The following TLK1 variants were observed in gnomAD, a reference collection of about 807,000 sequenced individuals.
TLK1 encodes the protein serine/threonine-protein kinase tousled-like 1.
Under a neutral mutation model 105.3 loss-of-function variants are expected in TLK1, and 24 were observed. That is an observed-to-expected ratio of 0.23 (90% CI 0.17 to 0.32). The LOEUF (loss-of-function observed/expected upper bound fraction) is 0.32. Among genes scored for constraint, TLK1 ranks in the 10% least tolerant of loss-of-function variants. TLK1 has a pLI of 1.00. For synonymous variants in TLK1, 321 were observed against 310.4 expected (o/e 1.03, Z -0.36); for missense variants, 558 against 910.5 (o/e 0.61, Z 4.98).
At chr2:171,071,392 A>G (rs369317599) in intron 3 of TLK1, among the ~76,000 whole-genome samples, 18 of 151,778 alleles carry the variant, frequency 1.2e-4, no homozygotes, top group African/African-American at 4.1e-4. Flanking sequence ...GGTTCACGCC[A>G]TTCTCCCGCC....
chr2:170,993,725 T>C lies in TLK1; in HGVS notation c.*55A>G. 4.8e-6 allele frequency: 6 copies of C among 1,256,144 alleles called. No individual in the cohort carries two copies. The highest frequency in any genetic ancestry group is 6.4e-6 in the Non-Finnish European group (6 of 942,040). 77.8% of individuals were successfully genotyped at this position (1,256,144 alleles called of 1,614,324 possible). ...AACAAACACTCAAATGCTCTCAAAC[T>C]TAAGTGTGCATCTGGAAGCAAATTC... On this transcript the variant is annotated 3_prime_UTR_variant, in exon 21 of 21. Coordinates refer to ENST00000431350, the MANE Select transcript of TLK1 (RefSeq NM_012290.5).
chr2:171,181,462 A>G (rs1175166974), intron 1 of TLK1, among the ~76,000 whole-genome samples: 2 of 152,178 alleles, frequency 1.3e-5, no homozygotes, highest in Non-Finnish European at 2.9e-5. Context: ...TGTTGCTCTA[A>G]AGGAATGCCT....
intron 11 of TLK1, among the ~76,000 whole-genome samples, chr2:171,041,765 G>A (rs902644364): frequency 6.6e-6 from 1 of 151,922 alleles, no homozygotes; most frequent in Non-Finnish European, 1.5e-5. Context: ...CTACATAATA[G>A]TAACTTCATT....
At chr2:171,039,292 A>C (rs188377352) in intron 11 of TLK1, among the ~76,000 whole-genome samples, 4 of 152,042 alleles carry the variant, frequency 2.6e-5, no homozygotes, top group African/African-American at 9.6e-5. Flanking sequence ...TGAGACAGAG[A>C]TCTCACTCTG....
At chr2:171,031,792 G>C (rs1441213868) in intron 11 of TLK1, among the ~76,000 whole-genome samples, 1 of 152,120 alleles carries the variant, frequency 6.6e-6, no homozygotes, top group Non-Finnish European at 1.5e-5. Flanking sequence ...TAAAAAGTTA[G>C]TAGAAATAAC....
intron 13 of TLK1, among the ~76,000 whole-genome samples, chr2:171,011,816 T>C (rs1361552638): frequency 6.6e-6 from 1 of 152,328 alleles, no homozygotes; most frequent in South Asian, 2.1e-4. Context: ...TTGGGAGTTA[T>C]AATCAAGCTT....
chr2:171,097,841 C>T (rs1475484102), intron 2 of TLK1, among the ~76,000 whole-genome samples: 2 of 151,838 alleles, frequency 1.3e-5, no homozygotes, highest in African/African-American at 2.4e-5. Context: ...AGGAGAATCG[C>T]TTAAACCTGG....
At chr2:171,230,410 T>C (rs1693973942) in intron 1 of TLK1, among the ~76,000 whole-genome samples, 1 of 152,216 alleles carries the variant, frequency 6.6e-6, no homozygotes, top group South Asian at 2.1e-4. Context: ...TAAGATGTTT[T>C]CCAAATTCCG....
chr2:171,227,369 G>A (rs1288152141), intron 1 of TLK1, among the ~76,000 whole-genome samples: 1 of 152,154 alleles, frequency 6.6e-6, no homozygotes, highest in African/African-American at 2.4e-5. Context: ...TCAGTGAATA[G>A]AATGAGAGCC....
chr2:171,117,719 A>C lies in TLK1; in HGVS notation c.258+20T>G, dbSNP rs768781221. 1 of 1,576,478 alleles carries C rather than the reference A, an allele frequency of 6.3e-7. No homozygotes were observed. Among genetic ancestry groups the C allele is most frequent in the Non-Finnish European group, 8.7e-7 (1 of 1,150,370 alleles). ...TAATAGAAAGAAAGACTGTCAAATAAAGATGAGAATTTTGCTCACTTTAGC... is the reference window on the plus strand; with the variant it reads ...TAATAGAAAGAAAGACTGTCAAATACAGATGAGAATTTTGCTCACTTTAGC... On this transcript the variant is annotated intron_variant, in intron 2 of 20. Coordinates refer to ENST00000431350, the MANE Select transcript of TLK1 (RefSeq NM_012290.5).
At chr2:171,001,241 C>A (rs373287802) in intron 18 of TLK1, among the ~76,000 whole-genome samples, 33 of 152,276 alleles carry the variant, frequency 2.2e-4, no homozygotes, top group African/African-American at 7.5e-4. Context: ...TTTAACAGCA[C>A]TGACAATCCT....
chr2:171,008,139 CTATAAAAG>C (rs1294856259), intron 14 of TLK1, among the ~76,000 whole-genome samples: 2 of 152,008 alleles, frequency 1.3e-5, no homozygotes, highest in African/African-American at 4.8e-5. Flanking sequence ...TGGTACAAAA[CTATAAAAG>C]TATGAGATCA....
chr2:171,019,411 A>AT (rs984012603), intron 12 of TLK1, among the ~76,000 whole-genome samples: 2 of 152,150 alleles, frequency 1.3e-5, no homozygotes, highest in Non-Finnish European at 2.9e-5. Flanking sequence ...TCATAATGGC[A>AT]TTTTTTTCAA....
At chr2:171,188,203 A>G (rs1488332997) in intron 1 of TLK1, among the ~76,000 whole-genome samples, 1 of 152,222 alleles carries the variant, frequency 6.6e-6, no homozygotes, top group African/African-American at 2.4e-5. Context: ...AAAACAATCC[A>G]AAGTCTCTTA....
chr2:171,195,520 AAAC>A (rs1230919590), intron 1 of TLK1, among the ~76,000 whole-genome samples: 61 of 151,688 alleles, frequency 4.0e-4, no homozygotes, highest in Admixed American at 3.1e-3. Context: ...AAAAAAAAAA[AAAC>A]ATAATCCACC....
At chr2:171,114,145 T>G (rs564983906) in intron 2 of TLK1, among the ~76,000 whole-genome samples, 190 of 152,324 alleles carry the variant, frequency 1.2e-3, no homozygotes, top group South Asian at 0.012. Flanking sequence ...TACTTCATCA[T>G]TACTTATTAT....
chr2:171,120,248 GAAAAAAA>G (rs71008751), intron 1 of TLK1, among the ~76,000 whole-genome samples: 7 of 47,048 alleles, frequency 1.5e-4, no homozygotes, highest in Admixed American at 3.1e-4. Context: ...GACTCCGTCA[GAAAAAAA>G]AAAAAAAAAA....
intron 12 of TLK1, among the ~76,000 whole-genome samples, chr2:171,027,727 A>G (rs986936973): frequency 6.6e-6 from 1 of 152,246 alleles, no homozygotes; most frequent in Non-Finnish European, 1.5e-5. Context: ...ACCAAAAGGT[A>G]GTACTTAAAT....
chr2:171,102,863 G>T (rs1177026722), intron 2 of TLK1, among the ~76,000 whole-genome samples: 1 of 152,126 alleles, frequency 6.6e-6, no homozygotes, highest in African/African-American at 2.4e-5. Context: ...TGCTCATGGA[G>T]TTTCCATTAC....
Sources: allele counts gnomAD v4.1 joint callset (sites outside exome capture counted in the v4.1 genomes callset), GRCh38; gene constraint gnomAD v4.1.1; transcripts MANE v1.5; gene names NCBI Gene and HGNC (gene_info 2026-07-23, HGNC 2026-07-21).